The following CAMSAP2 variants were observed in gnomAD, a reference collection of about 807,000 sequenced individuals.
The protein encoded by CAMSAP2 is calmodulin regulated spectrin associated protein family member 2.
CAMSAP2 carries 26 observed loss-of-function variants against 146.1 expected under a neutral mutation model. That is an observed-to-expected ratio of 0.18 (90% CI 0.13 to 0.25). The LOEUF is 0.25. Among genes scored for constraint, CAMSAP2 ranks in the 10% least tolerant of loss-of-function variants. The pLI is 1.00. For missense variants in CAMSAP2, 1,381 were observed against 1,759.3 expected (o/e 0.78, Z 3.85); for synonymous variants, 499 against 596.6 (o/e 0.84, Z 2.38).
At chr1:200,756,362 A>G (rs1366452306) in intron 1 of CAMSAP2, among the ~76,000 whole-genome samples, 1 of 152,128 alleles carries the variant, frequency 6.6e-6, no homozygotes. Context: ...CTGAGGCACA[A>G]GAATTGCCCG....
rs140770484 is a variant in CAMSAP2, at chr1:200,747,732, C to T, written c.139+7766C>T. Among the ~76,000 whole-genome samples the T allele has an allele frequency of 5.2e-3, 782 of 151,816 alleles. 10 individuals are homozygous for T. The highest frequency in any genetic ancestry group is 0.018 in the African/African-American group (745 of 41,500). Reference sequence around the variant, plus strand: ...CATGGTAGAAAATGGCTGTAGCGGCCGGGCGCGGTGGCTCACGCCTGTAAT... The same window carrying T: ...CATGGTAGAAAATGGCTGTAGCGGCTGGGCGCGGTGGCTCACGCCTGTAAT... On this transcript the variant is annotated intron_variant, in intron 1 of 16. Coordinates refer to ENST00000358823, the MANE Select transcript of CAMSAP2 (RefSeq NM_203459.4).
Position 200,739,065 on chromosome 1 carries a change from G to A in CAMSAP2, c.-763G>A, listed in dbSNP as rs1453097036. On this transcript the variant is annotated 5_prime_UTR_variant, in exon 1 of 17. Coordinates refer to ENST00000358823, the MANE Select transcript of CAMSAP2 (RefSeq NM_203459.4). This position sits in a 1 kb window ranked among gnomAD's most constrained non-coding sequence, Gnocchi z 4.8. ...GCTTGGGATTCGCGGCCTCTCCCCG[G>A]CCACCACCTTCGCCGTCAGCAAGGG... Among the ~76,000 whole-genome samples, 1 of 152,078 alleles carries A rather than the reference G, an allele frequency of 6.6e-6. No homozygotes were observed. The highest frequency in any genetic ancestry group is 1.5e-5 in the Non-Finnish European group (1 of 68,008).
intron 1 of CAMSAP2, among the ~76,000 whole-genome samples, chr1:200,753,334 C>T (rs1167551803): frequency 1.3e-5 from 2 of 151,224 alleles, no homozygotes; most frequent in African/African-American, 4.9e-5. Flanking sequence ...GCACCCTTAG[C>T]TGTGTGCTGG....
At chr1:200,791,143 C>T (rs1665741630) in intron 2 of CAMSAP2, among the ~76,000 whole-genome samples, 1 of 152,174 alleles carries the variant, frequency 6.6e-6, no homozygotes, top group Non-Finnish European at 1.5e-5. Context: ...CTGCATCCGG[C>T]CTTTACCTCC....
intron 13 of CAMSAP2, among the ~76,000 whole-genome samples, chr1:200,854,414 A>C (rs1025522134): frequency 1.3e-5 from 2 of 152,244 alleles, no homozygotes; most frequent in African/African-American, 4.8e-5. Flanking sequence ...GAGGAAAAAT[A>C]ACATAATATT....
In CAMSAP2 at chr1:200,832,370, C is replaced by G. The variant is rs1318820134; in HGVS notation, c.787+29C>G. ...AGTGTTCCATTGTAATACTTCTGAA[C>G]TGTAGACAGATAGTAACCAATATTT... On this transcript the variant is annotated intron_variant, in intron 5 of 16. Transcript: ENST00000358823. This position sits in a 1 kb window ranked among gnomAD's most constrained non-coding sequence, Gnocchi z 4.2. 6.3e-7 allele frequency: 1 copy of G among 1,585,178 alleles called. No individual in the cohort carries two copies. Among genetic ancestry groups the G allele is most frequent in the Non-Finnish European group, 8.6e-7 (1 of 1,166,532 alleles).
chr1:200,740,724 G>A (rs1360776974), intron 1 of CAMSAP2, among the ~76,000 whole-genome samples: 1 of 152,146 alleles, frequency 6.6e-6, no homozygotes, highest in Admixed American at 6.5e-5. Flanking sequence ...AAATTGTATA[G>A]TACAGTAGCA....
intron 2 of CAMSAP2, among the ~76,000 whole-genome samples, chr1:200,764,002 C>T (rs1664872228): frequency 6.6e-6 from 1 of 151,758 alleles, no homozygotes; most frequent in Non-Finnish European, 1.5e-5. Context: ...ACCTGGGAGG[C>T]GGAGGTTGCA....
Position 200,849,895 on chromosome 1 carries a change from G to C in CAMSAP2, c.3126G>C (p.Glu1042Asp). The change falls in exon 11 of 17, where the codon GAG becomes GAC. Residue 1042 changes from glutamate to aspartate, a missense_variant. By Grantham distance (45) the Glu-to-Asp change is conservative (BLOSUM62 2). Coordinates refer to ENST00000358823, the MANE Select transcript of CAMSAP2 (RefSeq NM_203459.4). This position sits in a 1 kb window ranked among gnomAD's most constrained non-coding sequence, Gnocchi z 6.3. ...ESKPKEEVKK[E>D]ELESKGTLEQ... ...AACCTAAAGAGGAAGTTAAAAAGGA[G>C]GAATTGGAATCCAAAGGGACTTTGG... 1 of 1,614,100 alleles carries C rather than the reference G, an allele frequency of 6.2e-7. No individual in the cohort carries two copies. Among genetic ancestry groups the C allele is most frequent in the Non-Finnish European group, 8.5e-7 (1 of 1,180,012 alleles).
intron 2 of CAMSAP2, among the ~76,000 whole-genome samples, chr1:200,800,289 G>A (rs528963267): frequency 6.6e-6 from 1 of 152,172 alleles, no homozygotes; most frequent in South Asian, 2.1e-4. Flanking sequence ...CTATTATTGT[G>A]TGGGAGTCTA....
intron 2 of CAMSAP2, among the ~76,000 whole-genome samples, chr1:200,792,737 T>C (rs1380009451): frequency 2.6e-5 from 4 of 152,152 alleles, no homozygotes; most frequent in Admixed American, 2.6e-4. Flanking sequence ...GACAAAATTA[T>C]AGAAATGGAG....
At chr1:200,836,070 TTCATTTGAA>T (rs1667176811) in intron 6 of CAMSAP2, among the ~76,000 whole-genome samples, 1 of 138,894 alleles carries the variant, frequency 7.2e-6, no homozygotes, top group Admixed American at 7.6e-5. Flanking sequence ...CAGCTTTGAC[TTCATTTGAA>T]TCTTTTTTTT....
chr1:200,840,087 T>A (rs945473965), intron 6 of CAMSAP2, among the ~76,000 whole-genome samples: 3 of 152,144 alleles, frequency 2.0e-5, no homozygotes, highest in African/African-American at 7.2e-5. Context: ...CCACTGTGCA[T>A]TATCTTCTGT....
chr1:200,757,423 G>C (rs1664681633), intron 1 of CAMSAP2, among the ~76,000 whole-genome samples: 1 of 152,184 alleles, frequency 6.6e-6, no homozygotes, highest in African/African-American at 2.4e-5. Flanking sequence ...TTCTGCTTAA[G>C]TCATGGTATA....
chr1:200,811,575 G>C (rs1666332419), intron 3 of CAMSAP2, among the ~76,000 whole-genome samples: 1 of 152,034 alleles, frequency 6.6e-6, no homozygotes, highest in Non-Finnish European at 1.5e-5. Context: ...GCTTCTACTT[G>C]CTCTTGGTTG....
chr1:200,799,507 CAGT>C (rs780911898), intron 2 of CAMSAP2, among the ~76,000 whole-genome samples: 13 of 152,166 alleles, frequency 8.5e-5, no homozygotes, highest in Non-Finnish European at 1.8e-4. Context: ...TCTGTGGTAT[CAGT>C]GGTGATATCC....
intron 2 of CAMSAP2, among the ~76,000 whole-genome samples, chr1:200,772,124 C>T (rs1665133071): frequency 6.6e-6 from 1 of 152,084 alleles, no homozygotes; most frequent in Non-Finnish European, 1.5e-5. Context: ...CTATGACTCA[C>T]AGTTAGGAAT....
At chr1:200,743,382 T>C (rs1664231562) in intron 1 of CAMSAP2, among the ~76,000 whole-genome samples, 1 of 152,202 alleles carries the variant, frequency 6.6e-6, no homozygotes, top group Admixed American at 6.5e-5. Context: ...CATTTCTTTG[T>C]CTGTCTTAAC....
intron 2 of CAMSAP2, among the ~76,000 whole-genome samples, chr1:200,772,193 A>G (rs1234922543): frequency 6.6e-6 from 1 of 152,228 alleles, no homozygotes; most frequent in Non-Finnish European, 1.5e-5. Flanking sequence ...TACAGAAACA[A>G]AAGTACTTAT....
Sources: allele counts gnomAD v4.1 joint callset (sites outside exome capture counted in the v4.1 genomes callset), GRCh38; gene constraint gnomAD v4.1.1; non-coding constraint Gnocchi (gnomAD v3.1); transcripts MANE v1.5; gene names NCBI Gene and HGNC (gene_info 2026-07-23, HGNC 2026-07-21).